The following SLC2A7 variants were observed in gnomAD, a reference collection of about 807,000 sequenced individuals.
SLC2A7 encodes the protein solute carrier family 2, facilitated glucose transporter member 7.
SLC2A7 carries 50 observed loss-of-function variants against 50.5 expected under a neutral mutation model. The observed-to-expected ratio is 0.99, with a 90% confidence interval of 0.79 to 1.25. SLC2A7 has a LOEUF of 1.25. SLC2A7 is among the 50% of genes most tolerant of loss of function. The pLI is 0.00. For missense variants in SLC2A7, 683 were observed against 679.1 expected (o/e 1.01, Z -0.06); for synonymous variants, 308 against 300.4 (o/e 1.03, Z -0.26).
At chr1:8,998,844 T>A (rs1428787533), downstream of SLC2A7, among the ~76,000 whole-genome samples, 2 of 152,216 alleles carry the variant, frequency 1.3e-5, no homozygotes, top group African/African-American at 2.4e-5. Context: ...GTCTGCTTGC[T>A]AAAATATGGT....
downstream of SLC2A7, among the ~76,000 whole-genome samples, chr1:9,001,765 A>G (rs959387555): frequency 2.6e-5 from 4 of 152,012 alleles, no homozygotes; most frequent in African/African-American, 9.7e-5. Flanking sequence ...TTGGAGGGAG[A>G]GGAGGAGAGA....
downstream of SLC2A7, among the ~76,000 whole-genome samples, chr1:8,998,494 A>G (rs1640536290): frequency 6.6e-6 from 1 of 152,174 alleles, no homozygotes; most frequent in Non-Finnish European, 1.5e-5. Context: ...ACTGTTCACT[A>G]TTATTGCGTT....
In SLC2A7 at chr1:9,018,238, A is replaced by T; in HGVS notation, c.574T>A (p.Leu192Met). The change falls in exon 5 of 12, where the codon TTG becomes ATG. Residue 192 changes from leucine (L) to methionine (M), a missense_variant. Physicochemically the swap from Leu to Met is conservative, Grantham distance 15. Transcript: ENST00000400906. ...TGCCGGTTACCTGCCGGGTTGCCCA[A>T]GATGGCCTGGAGGCTGAAGATCTGT... ...LAQIFSLQAI[L>M]GNPAGWPVLL... 6.2e-7 allele frequency: 1 copy of T among 1,614,070 alleles called. No homozygotes were observed. The highest frequency in any genetic ancestry group is 8.5e-7 in the Non-Finnish European group (1 of 1,180,012).
At chr1:8,999,757 A>G (rs1640550557), downstream of SLC2A7, among the ~76,000 whole-genome samples, 1 of 152,176 alleles carries the variant, frequency 6.6e-6, no homozygotes, top group Non-Finnish European at 1.5e-5. Flanking sequence ...GGACTCCTGG[A>G]ATTCCTGGAT....
chr1:9,024,144 G>T (rs958117035), intron 2 of SLC2A7, among the ~76,000 whole-genome samples: 5 of 152,012 alleles, frequency 3.3e-5, no homozygotes, highest in African/African-American at 1.2e-4. Context: ...GATTGCAGGC[G>T]TGAGCCACCG....
downstream of SLC2A7, among the ~76,000 whole-genome samples, chr1:9,001,942 T>C (rs1410797907): frequency 2.0e-5 from 3 of 152,224 alleles, no homozygotes; most frequent in Non-Finnish European, 4.4e-5. Context: ...TGTTAATCTG[T>C]AACCCTAGCC....
chr1:9,023,663 T>C (rs1640947876), intron 2 of SLC2A7, among the ~76,000 whole-genome samples: 1 of 151,750 alleles, frequency 6.6e-6, no homozygotes, highest in South Asian at 2.1e-4. Flanking sequence ...TCCTGGCACT[T>C]TGGGAGGCCG....
In SLC2A7 at chr1:9,017,684, C is replaced by T. The variant is rs114939101; in HGVS notation, c.589+539G>A. Reference sequence around the variant, plus strand: ...TTGCATGCCTTTTCTATTAATCAATCGGCTTCGTGTCAGTGATTTTTCAGC... The same window carrying T: ...TTGCATGCCTTTTCTATTAATCAATTGGCTTCGTGTCAGTGATTTTTCAGC... On this transcript the variant is annotated intron_variant, in intron 5 of 11. Coordinates refer to ENST00000400906, the MANE Select transcript of SLC2A7 (RefSeq NM_207420.3). Among the ~76,000 whole-genome samples the T allele has an allele frequency of 8.3e-3, 1,268 of 152,326 alleles. 9 individuals are homozygous for T. Among genetic ancestry groups the T allele is most frequent in the Non-Finnish European group, 0.012 (850 of 68,036 alleles).
chr1:9,003,250 G>A lies in SLC2A7; in HGVS notation c.*50C>T, dbSNP rs771675229. The A allele has an allele frequency of 1.3e-6, 2 of 1,581,358 alleles. No individual in the cohort carries two copies. The highest frequency in any genetic ancestry group is 1.7e-5 in the Admixed American group (1 of 58,056). ...AGAGCCTGGGGCCGGGAGGCCCATT[G>A]TCATAGAAGGAAGCCTTGAATATGG... On this transcript the variant is annotated 3_prime_UTR_variant, in exon 12 of 12. Coordinates refer to ENST00000400906, the MANE Select transcript of SLC2A7 (RefSeq NM_207420.3).
chr1:9,020,552 C>G (rs981810806), intron 3 of SLC2A7, among the ~76,000 whole-genome samples: 2 of 140,044 alleles, frequency 1.4e-5, no homozygotes, highest in Admixed American at 1.4e-4. Context: ...GCTCCTGTGC[C>G]CCCCCCCACC....
intron 3 of SLC2A7, among the ~76,000 whole-genome samples, chr1:9,022,625 T>C (rs1383625845): frequency 1.3e-5 from 2 of 152,070 alleles, no homozygotes; most frequent in Non-Finnish European, 2.9e-5. Flanking sequence ...CCACTGGAAG[T>C]GCTTACAAGG....
intron 3 of SLC2A7, among the ~76,000 whole-genome samples, chr1:9,021,084 C>T (rs1640906374): frequency 6.6e-6 from 1 of 152,092 alleles, no homozygotes; most frequent in Non-Finnish European, 1.5e-5. Context: ...TGAAAATGGA[C>T]TAATACACTC....
At chr1:9,011,181 A>G (rs900263771) in intron 8 of SLC2A7, among the ~76,000 whole-genome samples, 1 of 152,008 alleles carries the variant, frequency 6.6e-6, no homozygotes, top group African/African-American at 2.4e-5. Context: ...GTTCATCCTC[A>G]CACTTCCCCT....
rs2124245197 is a variant in SLC2A7, at chr1:9,010,195, T to C, written c.1064A>G (p.Tyr355Cys). The C allele has an allele frequency of 1.9e-6, 3 of 1,551,856 alleles. No homozygotes were observed. The highest frequency in any genetic ancestry group is 1.7e-4 in the Middle Eastern group (1 of 5,948). Reference sequence around the variant, plus strand: ...CAGGCAGGCAGAGCCGCAGATGCCGTAGCCGGCCAGCAGGAGGTGCCGCCG... The same window carrying C: ...CAGGCAGGCAGAGCCGCAGATGCCGCAGCCGGCCAGCAGGAGGTGCCGCCG... ...LGRRHLLLAG[Y>C]GICGSACLVL... is the part of the protein sequence containing the mutation. Residue 355 changes from tyrosine (Y) to cysteine (C), a missense_variant, in exon 9 of 12, where the codon TAC (tyrosine) becomes TGC (cysteine). Physicochemically the swap from Tyr to Cys is radical, Grantham distance 194. Coordinates refer to ENST00000400906, the MANE Select transcript of SLC2A7 (RefSeq NM_207420.3).
At position 9,013,634 on chromosome 1, in the gene SLC2A7, A is replaced by G. The variant is rs750368104; in HGVS notation, c.905T>C (p.Ile302Thr). Residue 302 changes from isoleucine (I) to threonine (T), a missense_variant and splice_region_variant, in exon 8 of 12, where the codon ATC becomes ACC. Physicochemically the swap from Ile to Thr is moderately conservative, Grantham distance 89 (BLOSUM62 -1). Transcript: ENST00000400906. Reference sequence around the variant, plus strand: ...GTAGATGGTGTCCGCATAGTAGTTGATCTAAACAAAAACACAGGGCTGTCA... The same window carrying G: ...GTAGATGGTGTCCGCATAGTAGTTGGTCTAAACAAAAACACAGGGCTGTCA... ...AGQQLSGINA[I>T]NYYADTIYTS... 2 of 1,612,544 alleles carry G rather than the reference A, an allele frequency of 1.2e-6. No homozygotes were observed. The highest frequency in any genetic ancestry group is 1.7e-6 in the Non-Finnish European group (2 of 1,179,192).
intron 3 of SLC2A7, among the ~76,000 whole-genome samples, chr1:9,019,636 C>G (rs890627430): frequency 6.6e-6 from 1 of 152,090 alleles, no homozygotes; most frequent in Non-Finnish European, 1.5e-5. Flanking sequence ...CGTGAAGACA[C>G]AGCCAGGCTG....
chr1:9,024,092 G>A (rs1285138162), intron 2 of SLC2A7, among the ~76,000 whole-genome samples: 1 of 152,006 alleles, frequency 6.6e-6, no homozygotes, highest in Non-Finnish European at 1.5e-5. Context: ...CTGATTTCAG[G>A]TGATCAGGTG....
the SLC2A7 span, among the ~76,000 whole-genome samples, chr1:8,996,448 A>C: frequency 2.0e-5 from 3 of 152,180 alleles, no homozygotes; most frequent in Non-Finnish European, 4.4e-5. Context: ...TGGTGCTTCC[A>C]ATTCTTTGGC....
intron 8 of SLC2A7, among the ~76,000 whole-genome samples, chr1:9,010,539 G>C (rs1004065827): frequency 3.3e-5 from 5 of 152,054 alleles, no homozygotes; most frequent in Non-Finnish European, 7.4e-5. Context: ...TGTATTTCTC[G>C]TAGAGACGAG....
Sources: allele counts gnomAD v4.1 joint callset (sites outside exome capture counted in the v4.1 genomes callset), GRCh38; gene constraint gnomAD v4.1.1; transcripts MANE v1.5; gene names NCBI Gene and HGNC (gene_info 2026-07-23, HGNC 2026-07-21).